The following TPH2 variants were observed in gnomAD, a reference collection of about 807,000 sequenced individuals.
TPH2 encodes tryptophan 5-hydroxylase 2.
A neutral mutation model predicts 59.1 loss-of-function variants in TPH2; 27 were observed. The ratio of observed to expected loss-of-function variants is 0.46; its 90% CI spans 0.34 to 0.63. The LOEUF is 0.63. TPH2 is among the 30% of genes least tolerant of loss of function. The pLI is 0.01. For missense variants in TPH2, 523 were observed against 588.3 expected (o/e 0.89, Z 1.15); for synonymous variants, 220 against 210.5 (o/e 1.05, Z -0.39).
At chr12:72,028,716 G>C (rs1487728179) in intron 9 of TPH2, among the ~76,000 whole-genome samples, 1 of 152,126 alleles carries the variant, frequency 6.6e-6, no homozygotes, top group Non-Finnish European at 1.5e-5. Flanking sequence ...AGCAACACTG[G>C]TCCCATACTC....
chr12:71,992,547 T>C (rs1472922214), intron 7 of TPH2, among the ~76,000 whole-genome samples: 3 of 151,952 alleles, frequency 2.0e-5, no homozygotes, highest in Non-Finnish European at 2.9e-5. Flanking sequence ...CAGGCTGCGA[T>C]GAGCTGTGAT....
intron 2 of TPH2, among the ~76,000 whole-genome samples, chr12:71,942,791 A>G (rs1871108544): frequency 6.6e-6 from 1 of 152,172 alleles, no homozygotes; most frequent in Non-Finnish European, 1.5e-5. Flanking sequence ...TTTGACCTCG[A>G]AGAAAGGATC....
At chr12:71,991,703 C>T (rs924051447) in intron 7 of TPH2, among the ~76,000 whole-genome samples, 3 of 152,174 alleles carry the variant, frequency 2.0e-5, no homozygotes, top group African/African-American at 7.2e-5. Flanking sequence ...ATAGGGTCCA[C>T]TCCCGGCTTA....
intron 6 of TPH2, among the ~76,000 whole-genome samples, chr12:71,977,807 C>T (rs1023530045): frequency 1.3e-5 from 2 of 152,078 alleles, no homozygotes; most frequent in African/African-American, 4.8e-5. Context: ...TAAATATATA[C>T]AATTTATATT....
intron 6 of TPH2, among the ~76,000 whole-genome samples, chr12:71,975,148 A>G (rs1468561185): frequency 6.6e-6 from 1 of 152,136 alleles, no homozygotes; most frequent in Non-Finnish European, 1.5e-5. Context: ...GGAGTTCGAG[A>G]CCAGCCTGGC....
At position 72,031,852 on chromosome 12, in the gene TPH2, A is replaced by T; in HGVS notation, c.*157A>T. The T allele has an allele frequency of 1.3e-6, 1 of 794,868 alleles. No individual in the cohort carries two copies. The highest frequency in any genetic ancestry group is 2.1e-6 in the Non-Finnish European group (1 of 475,122). The allele number at this position is 794,868 out of a possible 1,614,324, so 49.2% of individuals were successfully genotyped here. ...ATCTTGTAACTCACTGTGTTAGTAT[A>T]TAAAGCACCATAAGAAATCCAATGG... is the stretch of plus-strand genomic sequence containing the variant. On this transcript the variant is annotated 3_prime_UTR_variant, in exon 11 of 11. Coordinates refer to ENST00000333850, the MANE Select transcript of TPH2 (RefSeq NM_173353.4).
intron 8 of TPH2, among the ~76,000 whole-genome samples, chr12:71,998,687 T>A (rs1195742047): frequency 2.6e-5 from 4 of 152,128 alleles, no homozygotes; most frequent in Non-Finnish European, 5.9e-5. Flanking sequence ...ATAAAAAGTC[T>A]ATGGCAGGGG....
At position 71,963,875 on chromosome 12, in the gene TPH2, T is replaced by C. The variant is rs1161035265; in HGVS notation, c.609-8644T>C. ...GACATAGGTGGTATGACACACAGGT[T>C]GAAAACAAGACCAATCGAATTAAGT... On this transcript the variant is annotated intron_variant, in intron 5 of 10. Transcript: ENST00000333850. Among the ~76,000 whole-genome samples, 2 of 51,136 alleles carry C rather than the reference T, an allele frequency of 3.9e-5. 1 individual carries two copies. The highest frequency in any genetic ancestry group is 1.1e-4 in the African/African-American group (2 of 18,156). The allele number at this position is 51,136 out of a possible 152,430, so 33.5% of individuals were successfully genotyped here.
chr12:72,001,515 T>C (rs1012620780), intron 8 of TPH2, among the ~76,000 whole-genome samples: 7 of 151,482 alleles, frequency 4.6e-5, no homozygotes, highest in Non-Finnish European at 7.4e-5. Flanking sequence ...AACCTCCGCC[T>C]CCCAGGTTCA....
At chr12:71,993,228 T>C (rs1872620126) in intron 7 of TPH2, among the ~76,000 whole-genome samples, 1 of 152,220 alleles carries the variant, frequency 6.6e-6, no homozygotes, top group Non-Finnish European at 1.5e-5. Context: ...TTGACCATCA[T>C]TCATTTGCTT....
intron 8 of TPH2, among the ~76,000 whole-genome samples, chr12:71,998,641 A>G (rs1208170697): frequency 6.6e-6 from 1 of 152,238 alleles, no homozygotes; most frequent in African/African-American, 2.4e-5. Flanking sequence ...ACTTGCAGAA[A>G]CAAAAATATT....
In TPH2 at chr12:72,027,810, A is replaced by G. The variant is rs74570344; in HGVS notation, c.1165-3448A>G. On this transcript the variant is annotated intron_variant, in intron 9 of 10. Transcript: ENST00000333850. The stretch of plus-strand genomic sequence containing the variant: ...CCAGTGGGAAAGGCTGCTATGGTCA[A>G]TTTACTGTGGCTGGTGTGGAGGGAG... Among the ~76,000 whole-genome samples the G allele has an allele frequency of 1.7e-3, 262 of 152,258 alleles. 7 individuals carry two copies. The South Asian group carries it at 0.024, about 14-fold the overall frequency.
At chr12:72,030,821 T>C (rs1405337053) in intron 9 of TPH2, among the ~76,000 whole-genome samples, 2 of 152,058 alleles carry the variant, frequency 1.3e-5, no homozygotes, top group African/African-American at 4.8e-5. Flanking sequence ...CCCAATTACC[T>C]CTCCATGCAG....
intron 4 of TPH2, among the ~76,000 whole-genome samples, chr12:71,947,907 A>G (rs905928231): frequency 6.6e-6 from 1 of 152,172 alleles, no homozygotes; most frequent in Non-Finnish European, 1.5e-5. Flanking sequence ...TGCCGTTACC[A>G]TGGTGTCCAG....
At chr12:71,978,487 T>A (rs1872181920) in intron 6 of TPH2, among the ~76,000 whole-genome samples, 1 of 152,214 alleles carries the variant, frequency 6.6e-6, no homozygotes, top group Admixed American at 6.5e-5. Flanking sequence ...TTAGCGGGTA[T>A]TGGCAATAGA....
intron 5 of TPH2, among the ~76,000 whole-genome samples, chr12:71,969,702 T>G (rs138542951): frequency 1.3e-4 from 20 of 149,796 alleles, no homozygotes; most frequent in African/African-American, 4.3e-4. Flanking sequence ...TAGTTTGGTA[T>G]GTGAAAAATA....
intron 2 of TPH2, among the ~76,000 whole-genome samples, chr12:71,943,348 G>A (rs1266721477): frequency 6.6e-6 from 1 of 152,150 alleles, no homozygotes; most frequent in Non-Finnish European, 1.5e-5. Context: ...GGTAATCACA[G>A]TGTATCATCT....
chr12:71,979,280 A>G (rs1179985228), intron 7 of TPH2, among the ~76,000 whole-genome samples, 193 bp downstream of exon 7: 2 of 152,150 alleles, frequency 1.3e-5, no homozygotes, highest in Non-Finnish European at 2.9e-5. Context: ...GGGGCCCCTG[A>G]TATTCCAGCT....
chr12:72,015,966 T>C, intron 8 of TPH2, among the ~76,000 whole-genome samples: 1 of 152,192 alleles, frequency 6.6e-6, no homozygotes, highest in Non-Finnish European at 1.5e-5. Flanking sequence ...CAGGAATGGC[T>C]GTGCCAGTGT....
Sources: gnomAD v4.1 joint callset for allele counts (sites outside exome capture counted in the v4.1 genomes callset) on GRCh38, gnomAD v4.1.1 for gene constraint, MANE v1.5 for transcripts, NCBI Gene and HGNC (gene_info 2026-07-23, HGNC 2026-07-21) for gene names.